Variants in BAZ2B observed in about 807,000 individuals in gnomAD.
BAZ2B encodes the protein bromodomain adjacent to zinc finger domain protein 2B.
A neutral mutation model predicts 246.0 loss-of-function variants in BAZ2B; 91 were observed. The observed-to-expected ratio is 0.37, with a 90% CI of 0.31 to 0.44. BAZ2B has a LOEUF of 0.44. BAZ2B is among the 20% of genes least tolerant of loss of function. The pLI, the probability that BAZ2B is intolerant of heterozygous loss-of-function variation, is 1.00. For missense variants in BAZ2B, 2,332 were observed against 2,533.7 expected, an observed-to-expected ratio of 0.92 and a Z score of 1.71; for synonymous variants, 855 against 860.0, an observed-to-expected ratio of 0.99 and a Z score of 0.10.
In BAZ2B at chr2:159,416,044, T is replaced by C. The variant is rs78224931; in HGVS notation, c.2467-3499A>G. On this transcript the variant is annotated intron_variant, in intron 13 of 36. Coordinates refer to ENST00000392783, the MANE Select transcript of BAZ2B (RefSeq NM_013450.4). ...CTCTAAAACCTGTGCTCCTGACCAC[T>C]ATGGGTACTTGATGTTATAAAGATG... 7.6e-3 allele frequency among the ~76,000 whole-genome samples: 1,158 copies of C among 152,282 alleles called. 45 individuals carry two copies. In the East Asian group the frequency reaches 0.091, roughly 12 times the overall value.
chr2:159,619,192 T>A (rs879326130), upstream of BAZ2B, among the ~76,000 whole-genome samples: 9 of 151,928 alleles, frequency 5.9e-5, no homozygotes, highest in Non-Finnish European at 1.2e-4. Flanking sequence ...AATTCAAAAA[T>A]TTTTATAAGA....
chr2:159,437,495 T>G (rs1018148436), intron 8 of BAZ2B: 31 of 152,174 alleles, frequency 2.0e-4, no homozygotes, highest in African/African-American at 7.5e-4. Context: ...GCTCCCAAAG[T>G]GCTAGGATTA....
At chr2:159,471,628 T>C (rs186285498) in intron 3 of BAZ2B, among the ~76,000 whole-genome samples, 1 of 152,228 alleles carries the variant, frequency 6.6e-6, no homozygotes, top group East Asian at 1.9e-4. Context: ...TATATACTGC[T>C]TTTTTTAGGA....
At chr2:159,694,899 G>A in the BAZ2B span, 3 of 152,186 alleles carry the variant, frequency 2.0e-5, no homozygotes, top group African/African-American at 4.8e-5. Flanking sequence ...CTGCTAAACT[G>A]CTTTCCCAAA....
intron 27 of BAZ2B, among the ~76,000 whole-genome samples, chr2:159,355,819 T>C (rs1263897083): frequency 2.0e-5 from 3 of 152,028 alleles, no homozygotes; most frequent in African/African-American, 7.3e-5. Flanking sequence ...GGTTAGACAG[T>C]GGGTGCAGCA....
chr2:159,350,917 G>A (rs1575915548), intron 27 of BAZ2B, among the ~76,000 whole-genome samples: 1 of 144,122 alleles, frequency 6.9e-6, no homozygotes, highest in Admixed American at 6.9e-5. Context: ...TCCGGTGGGG[G>A]GAGGGGGGAG....
At chr2:159,623,092 G>A in the BAZ2B span, among the ~76,000 whole-genome samples, 1 of 148,362 alleles carries the variant, frequency 6.7e-6, no homozygotes, top group African/African-American at 2.5e-5. Context: ...AGAGGGGAGG[G>A]AGAGGGGAGA....
chr2:159,355,610 G>A (rs1007814740), intron 27 of BAZ2B, among the ~76,000 whole-genome samples: 1 of 152,098 alleles, frequency 6.6e-6, no homozygotes, highest in Non-Finnish European at 1.5e-5. Context: ...CAATAAACTT[G>A]TTTCAGTTTC....
intron 2 of BAZ2B, among the ~76,000 whole-genome samples, chr2:159,495,126 G>A (rs1326751596): frequency 6.6e-6 from 1 of 152,100 alleles, no homozygotes; most frequent in African/African-American, 2.4e-5. Context: ...TCTTAATTTT[G>A]TTAATAATTA....
the BAZ2B span, among the ~76,000 whole-genome samples, chr2:159,644,477 GAAACC>G: frequency 6.6e-6 from 1 of 152,242 alleles, no homozygotes. Context: ...ATTACCCTCT[GAAACC>G]AACTAAGAAG....
At chr2:159,463,556 G>T (rs58187955) in intron 3 of BAZ2B, 12,076 of 152,686 alleles carry the variant, frequency 0.079, 662 homozygotes, top group Middle Eastern at 0.16. Context: ...CTTTTGTCTA[G>T]TTGAGAAAAG....
In BAZ2B at chr2:159,497,794, C is replaced by T. The variant is rs185026418; in HGVS notation, c.-2-19073G>A. Among the ~76,000 whole-genome samples the T allele has an allele frequency of 2.3e-3, 345 of 152,248 alleles. 7 individuals are homozygous for T. The highest frequency in any genetic ancestry group is 0.016 in the Admixed American group (248 of 15,282). The stretch of plus-strand genomic sequence containing the variant: ...TTACTGTTCCCTGCCAACGAAAGAG[C>T]CTAGTAGAAAACTTCCTAACAAATA... On this transcript the variant is annotated intron_variant, in intron 2 of 36. Transcript: ENST00000392783.
chr2:159,556,839 T>C (rs7602493), intron 1 of BAZ2B, among the ~76,000 whole-genome samples: 8,221 of 152,222 alleles, frequency 0.054, 383 homozygotes, highest in African/African-American at 0.12. Flanking sequence ...CACATGGTTA[T>C]GGCATTTTAA....
chr2:159,391,583 T>A (rs2063335182), intron 20 of BAZ2B, among the ~76,000 whole-genome samples: 1 of 152,156 alleles, frequency 6.6e-6, no homozygotes. Context: ...CTTTTCACTG[T>A]GCCAACTTCC....
At chr2:159,315,385 G>A (rs1179939893), downstream of BAZ2B, among the ~76,000 whole-genome samples, 1 of 152,174 alleles carries the variant, frequency 6.6e-6, no homozygotes, top group Admixed American at 6.6e-5. Flanking sequence ...GGCTTAGCTG[G>A]ATAGTTCTGG....
chr2:159,456,864 CG>C (rs1420568825), intron 3 of BAZ2B, among the ~76,000 whole-genome samples: 3 of 152,032 alleles, frequency 2.0e-5, no homozygotes, highest in African/African-American at 7.2e-5. Context: ...AAAATACCCA[CG>C]TGAAAGACTT....
At chr2:159,565,475 T>C (rs1476632992) in intron 1 of BAZ2B, among the ~76,000 whole-genome samples, 1 of 152,126 alleles carries the variant, frequency 6.6e-6, no homozygotes, top group Non-Finnish European at 1.5e-5. Flanking sequence ...CAGTGATTAC[T>C]AAGCATCTAA....
intron 27 of BAZ2B, among the ~76,000 whole-genome samples, chr2:159,365,355 G>T (rs1363501348): frequency 6.6e-6 from 1 of 152,152 alleles, no homozygotes; most frequent in Non-Finnish European, 1.5e-5. Flanking sequence ...ACTCATAAAG[G>T]TCCCTCCACT....
At chr2:159,613,625 TAC>T (rs1043491127) in intron 1 of BAZ2B, among the ~76,000 whole-genome samples, 6 of 152,174 alleles carry the variant, frequency 3.9e-5, no homozygotes, top group African/African-American at 9.7e-5. Context: ...CAATAATATG[TAC>T]AGTGTTTACA....
Sources: gnomAD v4.1 joint callset for allele counts (sites outside exome capture counted in the v4.1 genomes callset) on GRCh38, gnomAD v4.1.1 for gene constraint, MANE v1.5 for transcripts, NCBI Gene and HGNC (gene_info 2026-07-23, HGNC 2026-07-21) for gene names.